IL1RAPL2: variants seen among roughly 807,000 people sequenced by gnomAD.
IL1RAPL2 encodes the protein interleukin 1 receptor accessory protein like 2.
In IL1RAPL2, 3 loss-of-function variants were observed where a neutral mutation model predicts 44.1. The observed-to-expected ratio is 0.07, with a 90% confidence interval of 0.03 to 0.18. The LOEUF (loss-of-function observed/expected upper bound fraction) is 0.18. Among genes scored for constraint, IL1RAPL2 ranks in the 10% least tolerant of loss-of-function variants. The pLI is 1.00. For synonymous variants in IL1RAPL2, 181 were observed against 178.8 expected, an observed-to-expected ratio of 1.01 and a Z score of -0.10; for missense variants, 391 against 496.4, an observed-to-expected ratio of 0.79 and a Z score of 2.02.
At chrX:105,345,188 T>C (rs1350698798) in intron 5 of IL1RAPL2, among the ~76,000 whole-genome samples, 1 of 111,940 alleles carries the variant, frequency 8.9e-6, no homozygotes, top group Admixed American at 9.5e-5. Flanking sequence ...AATTCTTGAA[T>C]AGATATGTCA....
At chrX:104,703,787 A>G (rs1459145684) in intron 2 of IL1RAPL2, among the ~76,000 whole-genome samples, 1 of 112,323 alleles carries the variant, frequency 8.9e-6, no homozygotes, top group African/African-American at 3.2e-5. Flanking sequence ...ATGTTAAGTC[A>G]TTTGCCCAAA....
At chrX:104,698,166 A>G (rs1931211825) in intron 2 of IL1RAPL2, among the ~76,000 whole-genome samples, 1 of 112,541 alleles carries the variant, frequency 8.9e-6, no homozygotes, top group Middle Eastern at 4.6e-3. Context: ...AGCTGGGTTC[A>G]TCGAAGTGGG....
chrX:105,258,503 T>A (rs2034332568), intron 4 of IL1RAPL2, among the ~76,000 whole-genome samples: 2 of 112,429 alleles, frequency 1.8e-5, no homozygotes, highest in African/African-American at 6.5e-5. Flanking sequence ...GAAGTTTTCA[T>A]GAACGATATC....
chrX:105,373,917 A>G (rs1217196147), intron 5 of IL1RAPL2, among the ~76,000 whole-genome samples: 2 of 109,322 alleles, frequency 1.8e-5, no homozygotes, highest in Non-Finnish European at 1.9e-5. Context: ...CCAGGAGTTC[A>G]AGACCAGCCT....
intron 6 of IL1RAPL2, among the ~76,000 whole-genome samples, chrX:105,540,223 A>C (rs1195812354): frequency 1.8e-5 from 2 of 112,141 alleles, no homozygotes; most frequent in African/African-American, 6.5e-5. Context: ...TTCTACCAAA[A>C]AGACACATGC....
At chrX:104,875,311 A>G (rs1217323520) in intron 2 of IL1RAPL2, among the ~76,000 whole-genome samples, 5 of 111,909 alleles carry the variant, frequency 4.5e-5, no homozygotes, top group Non-Finnish European at 9.4e-5. Flanking sequence ...TTTATTGAGT[A>G]TCTATTCTGT....
intron 8 of IL1RAPL2, among the ~76,000 whole-genome samples, chrX:105,743,738 T>A (rs1157408308): frequency 1.8e-5 from 2 of 111,806 alleles, no homozygotes. Context: ...GCATAAAACA[T>A]AATAAGTGCT....
chrX:104,612,542 G>C (rs771055943), intron 1 of IL1RAPL2, among the ~76,000 whole-genome samples: 28 of 111,735 alleles, frequency 2.5e-4, no homozygotes, highest in African/African-American at 8.8e-4. Flanking sequence ...TTATGGGTCT[G>C]TTTTTGTACC....
chrX:105,005,631 C>T (rs5963019), intron 2 of IL1RAPL2, among the ~76,000 whole-genome samples: 2,521 of 110,383 alleles, frequency 0.023, 62 homozygotes, highest in African/African-American at 0.079. Context: ...ATATTATAGG[C>T]CTACTAGTTC....
At chrX:105,308,190 AT>A (rs1430249049) in intron 5 of IL1RAPL2, among the ~76,000 whole-genome samples, 1 of 111,264 alleles carries the variant, frequency 9.0e-6, no homozygotes, top group Non-Finnish European at 1.9e-5. Context: ...TATTCATAAC[AT>A]TTTTCCTAAA....
At chrX:105,714,106 A>T (rs1227424750) in intron 6 of IL1RAPL2, among the ~76,000 whole-genome samples, 1 of 111,605 alleles carries the variant, frequency 9.0e-6, no homozygotes, top group East Asian at 2.9e-4. Flanking sequence ...TTGCCACTTT[A>T]TAAAAAGGAT....
chrX:105,074,359 C>A (rs750043048), intron 2 of IL1RAPL2, among the ~76,000 whole-genome samples: 75 of 110,742 alleles, frequency 6.8e-4, no homozygotes, highest in African/African-American at 1.7e-3. Context: ...TGTAGATATG[C>A]GGCATTATTT....
chrX:105,676,407 G>T (rs774062607), intron 6 of IL1RAPL2, among the ~76,000 whole-genome samples: 5 of 111,510 alleles, frequency 4.5e-5, no homozygotes, highest in African/African-American at 1.3e-4. Context: ...GAAGGCAGGA[G>T]AGCTTTTCAG....
At chrX:105,494,632 G>A (rs1460864111) in intron 6 of IL1RAPL2, among the ~76,000 whole-genome samples, 2 of 110,974 alleles carry the variant, frequency 1.8e-5, no homozygotes, top group Non-Finnish European at 3.8e-5. Context: ...AAATTACTTA[G>A]ATATATCAGA....
chrX:105,131,594 GC>G (rs913441875), intron 2 of IL1RAPL2, among the ~76,000 whole-genome samples: 1 of 109,321 alleles, frequency 9.1e-6, no homozygotes, highest in African/African-American at 3.3e-5. Context: ...TGGCTCAATG[GC>G]CATAATTTGC....
intron 2 of IL1RAPL2, among the ~76,000 whole-genome samples, chrX:104,687,705 C>T (rs1028844847): frequency 9.0e-6 from 1 of 111,230 alleles, no homozygotes; most frequent in African/African-American, 3.3e-5. Context: ...TGTCTTTGCC[C>T]TGGCCTTATC....
intron 5 of IL1RAPL2, among the ~76,000 whole-genome samples, chrX:105,314,194 C>G (rs1335382345): frequency 9.0e-6 from 1 of 110,929 alleles, no homozygotes; most frequent in Non-Finnish European, 1.9e-5. Context: ...ATGTCTCTAA[C>G]TGTGGCAAAG....
Position 104,647,592 on chromosome X carries a change from C to T in IL1RAPL2, c.-19-11303C>T, listed in dbSNP as rs773505283. Reference sequence around the variant, plus strand: ...AGCTCTCTCTGGGTGATTAGTTCTCCAGCATCAAAGTGAGACACCACCGAC... The same window carrying T: ...AGCTCTCTCTGGGTGATTAGTTCTCTAGCATCAAAGTGAGACACCACCGAC... On this transcript the variant is annotated intron_variant, in intron 1 of 10. Transcript: ENST00000372582. 8 of 518,090 alleles carry T rather than the reference C, an allele frequency of 1.5e-5. No homozygotes were observed. In the East Asian group the frequency reaches 2.5e-4, roughly 16 times the overall value. 42.7% of individuals were successfully genotyped at this position (518,090 alleles called of 1,213,427 possible).
intron 2 of IL1RAPL2, among the ~76,000 whole-genome samples, chrX:105,037,096 A>G (rs1278165306): frequency 1.8e-5 from 2 of 111,872 alleles, no homozygotes; most frequent in Non-Finnish European, 3.8e-5. Context: ...CTTAGAAAAC[A>G]AAGGGAGTAG....
Sources: gnomAD v4.1 joint callset for allele counts (sites outside exome capture counted in the v4.1 genomes callset) on GRCh38, gnomAD v4.1.1 for gene constraint, MANE v1.5 for transcripts, NCBI Gene and HGNC (gene_info 2026-07-23, HGNC 2026-07-21) for gene names.